Variants in STOX2 observed in about 807,000 individuals in gnomAD.
STOX2 encodes the protein storkhead box 2, also known as storkhead-box protein 2.
Under a neutral mutation model 60.9 loss-of-function variants are expected in STOX2, and 28 were observed. The ratio of observed to expected loss-of-function variants is 0.46; its 90% CI spans 0.34 to 0.63. The LOEUF (loss-of-function observed/expected upper bound fraction) is 0.63, where lower values mean the gene tolerates loss of function less well. Among genes scored for constraint, STOX2 ranks in the 30% least tolerant of loss-of-function variants. The pLI, the probability that STOX2 is intolerant of heterozygous loss-of-function variation, is 0.01. For synonymous variants in STOX2, 472 were observed against 463.9 expected (o/e 1.02, Z -0.22); for missense variants, 1,024 against 1,187.7 (o/e 0.86, Z 2.03).
Position 183,920,719 on chromosome 4 carries a change from T to C in STOX2, c.166+13763T>C, listed in dbSNP as rs138353930. Among the ~76,000 whole-genome samples the C allele has an allele frequency of 2.7e-3, 406 of 152,312 alleles. 2 individuals are homozygous for C. Among genetic ancestry groups the C allele is most frequent in the African/African-American group, 9.0e-3 (374 of 41,582 alleles). ...GTTTCCCTGCTGCTATTTCTTCCTCTTCCTCTTTTTAGCACCTTAGAGTGG... is the reference window on the plus strand; with the variant it reads ...GTTTCCCTGCTGCTATTTCTTCCTCCTCCTCTTTTTAGCACCTTAGAGTGG... On this transcript the variant is annotated intron_variant, in intron 1 of 3. Coordinates refer to ENST00000308497, the MANE Select transcript of STOX2 (RefSeq NM_020225.3).
intron 1 of STOX2, among the ~76,000 whole-genome samples, chr4:183,896,119 G>T (rs1011512923): frequency 3.3e-5 from 5 of 152,198 alleles, no homozygotes; most frequent in Non-Finnish European, 7.3e-5. Flanking sequence ...GGTGCACATT[G>T]TGACAAGGGC....
rs759209967 is a variant in STOX2 at position 183,874,952 on chromosome 4, AATATATATATAT to A, written c.364+76927_364+76938del. On this transcript the variant is annotated intron_variant, in intron 1 of 2. Coordinates refer to the STOX2 transcript ENST00000513034. ...AAAAAAAAAAAAAAAAAAAAAAAAA[AATATATATATAT>A]ATATATATATATATATATATATATA... 3.8e-3 allele frequency among the ~76,000 whole-genome samples: 169 copies of A among 44,608 alleles called. 4 individuals are homozygous for A. Among genetic ancestry groups the A allele is most frequent in the African/African-American group, 0.013 (142 of 11,024 alleles). The allele number at this position is 44,608 out of a possible 152,430, so 29.3% of individuals were successfully genotyped here.
chr4:183,829,927 C>T (rs1739527428), intron 1 of STOX2, among the ~76,000 whole-genome samples: 1 of 152,224 alleles, frequency 6.6e-6, no homozygotes. Context: ...CTGGGTGTTT[C>T]AGAGACATTT....
chr4:183,891,583 A>G (rs747827647), intron 1 of STOX2, among the ~76,000 whole-genome samples: 1 of 151,514 alleles, frequency 6.6e-6, no homozygotes, highest in Non-Finnish European at 1.5e-5. Context: ...TAAGAATGAT[A>G]CACTGGACTT....
chr4:183,838,130 A>T (rs566020859), intron 1 of STOX2, among the ~76,000 whole-genome samples: 2 of 151,550 alleles, frequency 1.3e-5, no homozygotes, highest in African/African-American at 2.4e-5. Flanking sequence ...AAATATTTCA[A>T]TAAATATATT....
At position 183,806,768 on chromosome 4, in the gene STOX2, A is replaced by G. The variant is rs1209249125; in HGVS notation, c.364+8713A>G. Reference sequence around the variant, plus strand: ...ACCTCTGCCTTTCTACTTCTAAATAAGGTCCGCCGCCGTCCAAATTTTGAG... The same window carrying G: ...ACCTCTGCCTTTCTACTTCTAAATAGGGTCCGCCGCCGTCCAAATTTTGAG... On this transcript the variant is annotated intron_variant, in intron 1 of 2. Transcript: ENST00000513034. This position sits in a 1 kb window ranked among gnomAD's most constrained non-coding sequence, Gnocchi z 4.1. 1.3e-5 allele frequency among the ~76,000 whole-genome samples: 2 copies of G among 152,150 alleles called. No individual in the cohort carries two copies. The highest frequency in any genetic ancestry group is 2.9e-5 in the Non-Finnish European group (2 of 68,032).
chr4:183,944,750 T>C (rs1742841500), intron 1 of STOX2, among the ~76,000 whole-genome samples: 1 of 152,232 alleles, frequency 6.6e-6, no homozygotes, highest in Non-Finnish European at 1.5e-5. Context: ...GAAAGTCATT[T>C]AAGTATAAAT....
At chr4:183,810,344 T>C (rs73006694) in intron 1 of STOX2, among the ~76,000 whole-genome samples, 4,707 of 152,278 alleles carry the variant, frequency 0.031, 227 homozygotes, top group African/African-American at 0.11. Flanking sequence ...ATGTTACTTT[T>C]AAAGTACTGT....
At chr4:183,892,295 T>C (rs780407429) in intron 1 of STOX2, among the ~76,000 whole-genome samples, 1 of 152,212 alleles carries the variant, frequency 6.6e-6, no homozygotes, top group Non-Finnish European at 1.5e-5. Flanking sequence ...TGTAATTTTT[T>C]TGAGACGGAG....
chr4:183,949,699 A>AAAAC (rs1743012566), intron 1 of STOX2, among the ~76,000 whole-genome samples: 3 of 152,202 alleles, frequency 2.0e-5, no homozygotes, highest in Admixed American at 2.0e-4. Flanking sequence ...CTCCGTATCA[A>AAAAC]AATCAAACAA....
intron 1 of STOX2, among the ~76,000 whole-genome samples, chr4:183,826,447 C>T (rs1362595390): frequency 6.6e-6 from 1 of 152,194 alleles, no homozygotes; most frequent in Non-Finnish European, 1.5e-5. Flanking sequence ...AGGCACAGTT[C>T]GTCTTCCCTG....
chr4:183,861,387 T>C (rs148716285), intron 1 of STOX2, among the ~76,000 whole-genome samples: 5 of 152,322 alleles, frequency 3.3e-5, no homozygotes, highest in African/African-American at 7.2e-5. Flanking sequence ...TGGTGAAGTT[T>C]GTTGCACTGT....
rs566328127 is a variant in STOX2, at chr4:183,875,841, C to T, written c.364+77786C>T. 1.2e-4 allele frequency among the ~76,000 whole-genome samples: 18 copies of T among 152,296 alleles called. No homozygotes were observed. The East Asian group carries it at 1.5e-3, about 13-fold the overall frequency. On this transcript the variant is annotated intron_variant, in intron 1 of 2. Coordinates refer to the STOX2 transcript ENST00000513034. The stretch of plus-strand genomic sequence containing the variant: ...CAAGCGATCCTCCCATCTCAGCTTC[C>T]CGAGCAGCTGTGACCACAGATACAT...
At chr4:183,840,656 A>G (rs1739835782) in intron 1 of STOX2, among the ~76,000 whole-genome samples, 1 of 152,176 alleles carries the variant, frequency 6.6e-6, no homozygotes, top group African/African-American at 2.4e-5. Context: ...TAATTATAAC[A>G]CAAGAAACAG....
intron 1 of STOX2, among the ~76,000 whole-genome samples, chr4:183,899,949 C>T (rs549381894): frequency 8.5e-5 from 13 of 152,276 alleles, no homozygotes; most frequent in Admixed American, 8.5e-4. Flanking sequence ...TTACTAGGGG[C>T]TAATGGAGCT....
At chr4:183,831,962 G>T (rs1363224932) in intron 1 of STOX2, among the ~76,000 whole-genome samples, 1 of 149,410 alleles carries the variant, frequency 6.7e-6, no homozygotes, top group Non-Finnish European at 1.5e-5. Context: ...GGTGAATTCT[G>T]CAGTTCATTC....
chr4:183,846,562 G>A (rs1028508692), intron 1 of STOX2, among the ~76,000 whole-genome samples: 1 of 152,008 alleles, frequency 6.6e-6, no homozygotes, highest in African/African-American at 2.4e-5. Flanking sequence ...ACTGAAGTTT[G>A]CTTATGGTAC....
At chr4:184,006,836 G>GA (rs1733862695) in intron 2 of STOX2, among the ~76,000 whole-genome samples, 1 of 151,090 alleles carries the variant, frequency 6.6e-6, no homozygotes, top group Non-Finnish European at 1.5e-5. Flanking sequence ...CTAAAACGGT[G>GA]AAACCCCGTC....
chr4:183,922,192 C>T (rs529890939), intron 1 of STOX2, among the ~76,000 whole-genome samples: 5 of 152,172 alleles, frequency 3.3e-5, no homozygotes, highest in East Asian at 1.9e-4. Flanking sequence ...TCCTCAAATT[C>T]GCTGTTCCCT....
Sources: allele counts gnomAD v4.1 joint callset (sites outside exome capture counted in the v4.1 genomes callset), GRCh38; gene constraint gnomAD v4.1.1; non-coding constraint Gnocchi (gnomAD v3.1); transcripts MANE v1.5; gene names NCBI Gene and HGNC (gene_info 2026-07-23, HGNC 2026-07-21).